The following ZBTB20 variants were observed in gnomAD, a reference collection of about 807,000 sequenced individuals.
ZBTB20 encodes the protein zinc finger and BTB domain-containing protein 20.
In ZBTB20, 9 loss-of-function variants were observed where a neutral mutation model predicts 56.9. The ratio of observed to expected loss-of-function variants is 0.16; its 90% CI spans 0.10 to 0.28. ZBTB20 has a LOEUF of 0.28. ZBTB20 is among the 10% of genes least tolerant of loss of function. The pLI is 1.00. For synonymous variants in ZBTB20, 417 were observed against 420.7 expected, an observed-to-expected ratio of 0.99 and a Z score of 0.11; for missense variants, 655 against 1,003.0, an observed-to-expected ratio of 0.65 and a Z score of 4.69.
At chr3:114,384,350 A>G (rs1466492043) in intron 8 of ZBTB20, among the ~76,000 whole-genome samples, 2 of 152,122 alleles carry the variant, frequency 1.3e-5, no homozygotes, top group Non-Finnish European at 2.9e-5. Flanking sequence ...AAAAGGGCAG[A>G]TGTTTCGCAA....
chr3:114,929,597 C>G (rs2076281448), intron 3 of ZBTB20, among the ~76,000 whole-genome samples: 2 of 152,164 alleles, frequency 1.3e-5, no homozygotes, highest in Admixed American at 1.3e-4. Flanking sequence ...TTCTGGCAGG[C>G]TAAATTAAAC....
At chr3:114,848,150 T>G (rs567047048) in intron 4 of ZBTB20, among the ~76,000 whole-genome samples, 11 of 152,264 alleles carry the variant, frequency 7.2e-5, no homozygotes, top group Admixed American at 2.0e-4. Context: ...GTTTGCTAGC[T>G]CACCCGAGGT....
In ZBTB20 at chr3:114,551,300, A is replaced by G. The variant is rs148662490; in HGVS notation, c.-294-50909T>C. On this transcript the variant is annotated intron_variant, in intron 6 of 11. Coordinates refer to ENST00000675478, the MANE Select transcript of ZBTB20 (RefSeq NM_001348800.3). ...GCGTAACGATATTTACTGTGTGCCT[A>G]CTGTGTCCTGTCCTAAGACACAGTA... 3.9e-5 allele frequency among the ~76,000 whole-genome samples: 6 copies of G among 152,352 alleles called. No homozygotes were observed. In the East Asian group the frequency reaches 9.6e-4, roughly 24 times the overall value.
intron 1 of ZBTB20, among the ~76,000 whole-genome samples, chr3:115,099,860 G>T (rs868630502): frequency 1.1e-4 from 16 of 152,142 alleles, no homozygotes; most frequent in Middle Eastern, 3.2e-3. Context: ...ATACGGAAGG[G>T]TCTGTTTTAA....
chr3:115,074,235 C>A (rs534509116), intron 1 of ZBTB20, among the ~76,000 whole-genome samples: 11 of 152,150 alleles, frequency 7.2e-5, no homozygotes, highest in Non-Finnish European at 1.5e-4. Flanking sequence ...CTAAGCATAG[C>A]ATTCAGTCTT....
At chr3:114,641,209 G>T (rs1370396393) in intron 6 of ZBTB20, among the ~76,000 whole-genome samples, 1 of 151,854 alleles carries the variant, frequency 6.6e-6, no homozygotes, top group Non-Finnish European at 1.5e-5. Context: ...ACAGACTGTA[G>T]AAAAATTTGG....
intron 2 of ZBTB20, among the ~76,000 whole-genome samples, chr3:114,985,638 C>A (rs1156498416): frequency 1.3e-5 from 2 of 151,964 alleles, no homozygotes; most frequent in African/African-American, 4.8e-5. Context: ...CAATTTGGGA[C>A]CTTTACTGCC....
intron 6 of ZBTB20, among the ~76,000 whole-genome samples, chr3:114,675,811 A>G (rs1420438633): frequency 3.3e-5 from 5 of 152,054 alleles, no homozygotes; most frequent in African/African-American, 1.2e-4. Flanking sequence ...TGCTAACTCA[A>G]TAAGAAAGAA....
intron 5 of ZBTB20, among the ~76,000 whole-genome samples, chr3:114,699,468 G>A (rs1353490190): frequency 1.3e-5 from 2 of 151,880 alleles, no homozygotes; most frequent in Non-Finnish European, 2.9e-5. Context: ...AAAAATTCTG[G>A]TTTAGAAAGT....
chr3:114,928,474 A>G (rs985382540), intron 3 of ZBTB20, among the ~76,000 whole-genome samples: 15 of 152,136 alleles, frequency 9.9e-5, no homozygotes, highest in Non-Finnish European at 2.1e-4. Flanking sequence ...AGGTTCTTCA[A>G]TGATGGAAAG....
At chr3:114,489,923 A>G (rs2042552231) in intron 7 of ZBTB20, among the ~76,000 whole-genome samples, 1 of 152,194 alleles carries the variant, frequency 6.6e-6, no homozygotes, top group Non-Finnish European at 1.5e-5. Context: ...GCTTAAAATA[A>G]ATCTGAGTAA....
At position 114,318,385 on chromosome 3, in the gene ZBTB20, G is replaced by A. The variant is rs2078769983; in HGVS notation, c.*20620C>T. 6.6e-6 allele frequency: 1 copy of A among 152,478 alleles called. No individual in the cohort carries two copies. Among genetic ancestry groups the A allele is most frequent in the South Asian group, 2.1e-4 (1 of 4,832 alleles). 9.4% of individuals were successfully genotyped at this position (152,478 alleles called of 1,614,324 possible). A position where few individuals can be genotyped will look rare whatever the true frequency, so the allele number is the denominator to read the frequency against. On this transcript the variant is annotated 3_prime_UTR_variant, in exon 12 of 12. Coordinates refer to ENST00000675478, the MANE Select transcript of ZBTB20 (RefSeq NM_001348800.3). ...AATGTGGGCTGCTGAGAAAGGCAGA[G>A]CCAGGCTAGGGAACGATGATAACAG...
intron 6 of ZBTB20, among the ~76,000 whole-genome samples, chr3:114,614,120 G>A (rs1054055558): frequency 2.2e-4 from 34 of 152,210 alleles, no homozygotes; most frequent in African/African-American, 8.2e-4. Flanking sequence ...CCTAAATTCA[G>A]GTAACCAACA....
chr3:114,809,305 CAT>C (rs774607562), intron 4 of ZBTB20, among the ~76,000 whole-genome samples: 4 of 152,088 alleles, frequency 2.6e-5, no homozygotes, highest in African/African-American at 7.2e-5. Context: ...TACCATTACA[CAT>C]ATGTTAGTAT....
In ZBTB20 at chr3:115,002,814, T is replaced by C. The variant is rs538759672; in HGVS notation, c.-506-28398A>G. Among the ~76,000 whole-genome samples, 3 of 151,788 alleles carry C rather than the reference T, an allele frequency of 2.0e-5. No individual in the cohort carries two copies. The East Asian group carries it at 5.9e-4, about 30-fold the overall frequency. ...CCATATGATCTAGCAATCATACTCA[T>C]TGGTATTTCATTGAAAATTATGTTC... is the stretch of plus-strand genomic sequence containing the variant. On this transcript the variant is annotated intron_variant, in intron 2 of 11. Coordinates refer to ENST00000675478, the MANE Select transcript of ZBTB20 (RefSeq NM_001348800.3).
At chr3:115,048,003 G>A (rs764650693) in intron 2 of ZBTB20, among the ~76,000 whole-genome samples, 2 of 151,900 alleles carry the variant, frequency 1.3e-5, no homozygotes, top group Non-Finnish European at 2.9e-5. Context: ...GGCAGAACAC[G>A]AGGTCAGGAG....
chr3:115,144,124 G>A (rs1346162342), intron 1 of ZBTB20, among the ~76,000 whole-genome samples: 1 of 152,104 alleles, frequency 6.6e-6, no homozygotes, highest in East Asian at 1.9e-4. Context: ...CTAAAGCAAA[G>A]CCCATCAATC....
At chr3:114,663,360 G>C (rs1285043887) in intron 6 of ZBTB20, among the ~76,000 whole-genome samples, 1 of 150,748 alleles carries the variant, frequency 6.6e-6, no homozygotes, top group Admixed American at 6.6e-5. Context: ...TCACCACCAA[G>C]CCTGCCCTAA....
intron 3 of ZBTB20, among the ~76,000 whole-genome samples, chr3:114,949,843 T>C (rs2077004175): frequency 6.6e-6 from 1 of 152,132 alleles, no homozygotes; most frequent in African/African-American, 2.4e-5. Context: ...GTAATAAGTA[T>C]ATCTGACAAA....
Sources: allele counts gnomAD v4.1 joint callset (sites outside exome capture counted in the v4.1 genomes callset), GRCh38; gene constraint gnomAD v4.1.1; transcripts MANE v1.5; gene names NCBI Gene and HGNC (gene_info 2026-07-23, HGNC 2026-07-21).